The following FRMD6 variants were observed in gnomAD, a reference collection of about 807,000 sequenced individuals.
FRMD6 encodes FERM domain containing 6, also known as FERM domain-containing protein 6.
FRMD6 carries 37 observed loss-of-function variants against 73.2 expected under a neutral mutation model. The ratio of observed to expected loss-of-function variants is 0.51; its 90% CI spans 0.39 to 0.66. FRMD6 has a LOEUF of 0.66. Among genes scored for constraint, FRMD6 ranks in the 30% least tolerant of loss-of-function variants. The probability of loss-of-function intolerance (pLI) is 0.00; values close to 1 mark genes in which losing one functional copy is unlikely to be tolerated. For missense variants in FRMD6, 714 were observed against 780.5 expected, an observed-to-expected ratio of 0.91 and a Z score of 1.02; for synonymous variants, 273 against 282.2, an observed-to-expected ratio of 0.97 and a Z score of 0.33.
chr14:51,717,250 G>A (rs923929566), intron 10 of FRMD6: 2 of 152,196 alleles, frequency 1.3e-5, no homozygotes, highest in African/African-American at 2.4e-5. Flanking sequence ...TTTCCTCACA[G>A]TTCTAGAGGC....
intron 1 of FRMD6, chr14:51,565,556 A>T (rs537619314): frequency 6.6e-6 from 1 of 152,322 alleles, no homozygotes; most frequent in African/African-American, 2.4e-5. Context: ...GAGGTTTTTG[A>T]TGGGGGTGAT....
At chr14:51,673,126 A>G (rs1299681600) in intron 1 of FRMD6, among the ~76,000 whole-genome samples, 1 of 152,144 alleles carries the variant, frequency 6.6e-6, no homozygotes, top group Non-Finnish European at 1.5e-5. Context: ...TATCCTTCAC[A>G]CTAACCTATC....
intron 1 of FRMD6, among the ~76,000 whole-genome samples, chr14:51,524,505 T>C (rs886804929): frequency 1.3e-5 from 2 of 151,982 alleles, no homozygotes. Flanking sequence ...TTTGCTGTTC[T>C]TTCATATACA....
intron 1 of FRMD6, among the ~76,000 whole-genome samples, chr14:51,553,410 A>C (rs929551417): frequency 6.6e-6 from 1 of 152,252 alleles, no homozygotes; most frequent in African/African-American, 2.4e-5. Context: ...CAGAGGAAAG[A>C]AATTCAGAAC....
chr14:51,514,256 A>G (rs926902829), intron 1 of FRMD6, among the ~76,000 whole-genome samples: 2 of 152,138 alleles, frequency 1.3e-5, no homozygotes, highest in Non-Finnish European at 2.9e-5. Flanking sequence ...CACATTTTTC[A>G]AAAGTGATTC....
intron 1 of FRMD6, among the ~76,000 whole-genome samples, chr14:51,500,978 A>G (rs1223708350): frequency 6.6e-6 from 1 of 152,164 alleles, no homozygotes; most frequent in African/African-American, 2.4e-5. Context: ...GTTATGGGAA[A>G]CTTGCCAGCT....
At position 51,518,899 on chromosome 14, in the gene FRMD6, C is replaced by A. The variant is rs1189697136; in HGVS notation, c.-210+29479C>A. ...ATGTAATTCTGAATAAAACAGCCAA[C>A]AGCTTCAGAATTACTCAAGCAAGCC... On this transcript the variant is annotated intron_variant, in intron 1 of 14. Coordinates refer to the FRMD6 transcript ENST00000356218. Among the ~76,000 whole-genome samples the A allele has an allele frequency of 3.3e-5, 5 of 152,148 alleles. 1 individual carries two copies. Among genetic ancestry groups the A allele is most frequent in the Non-Finnish European group, 7.3e-5 (5 of 68,028 alleles).
intron 2 of FRMD6, among the ~76,000 whole-genome samples, chr14:51,584,795 T>C (rs911717002): frequency 2.0e-5 from 3 of 151,928 alleles, no homozygotes; most frequent in Non-Finnish European, 2.9e-5. Flanking sequence ...AGTCTGTAAA[T>C]TATAGTGGTA....
chr14:51,522,217 T>C (rs1365503164), intron 1 of FRMD6, among the ~76,000 whole-genome samples: 1 of 152,198 alleles, frequency 6.6e-6, no homozygotes, highest in East Asian at 1.9e-4. Flanking sequence ...CATAAGTGAA[T>C]TCTTATGTAA....
chr14:51,440,630 G>C, the FRMD6 span, among the ~76,000 whole-genome samples: 1 of 152,214 alleles, frequency 6.6e-6, no homozygotes, highest in South Asian at 2.1e-4. Context: ...AGGCAGAATA[G>C]TGTCAAGGAT....
intron 1 of FRMD6, among the ~76,000 whole-genome samples, chr14:51,505,690 A>G (rs898013961): frequency 5.3e-5 from 8 of 152,268 alleles, no homozygotes; most frequent in Admixed American, 3.9e-4. Context: ...GCATGTTTCT[A>G]AACCTAAATG....
chr14:51,702,262 C>T (rs923085531), intron 4 of FRMD6, among the ~76,000 whole-genome samples: 1 of 151,912 alleles, frequency 6.6e-6, no homozygotes, highest in African/African-American at 2.4e-5. Flanking sequence ...TTGTCATTGG[C>T]ATTACAGTGA....
the FRMD6 span, among the ~76,000 whole-genome samples, chr14:51,416,225 G>A: frequency 1.6e-4 from 24 of 152,114 alleles, no homozygotes. Context: ...TGCTTCTCTA[G>A]TTCTTTTAAT....
the FRMD6 span, among the ~76,000 whole-genome samples, chr14:51,447,218 C>T: frequency 5.9e-5 from 9 of 151,996 alleles, no homozygotes; most frequent in East Asian, 9.7e-4. Context: ...CTCTGGGGTG[C>T]GGGGAGATGT....
At chr14:51,468,228 G>A in the FRMD6 span, among the ~76,000 whole-genome samples, 88 of 150,972 alleles carry the variant, frequency 5.8e-4, no homozygotes, top group Middle Eastern at 3.4e-3. Flanking sequence ...TGCAGTGAGC[G>A]GAGATGGTGG....
intron 2 of FRMD6, among the ~76,000 whole-genome samples, chr14:51,622,430 C>G (rs917482353): frequency 6.6e-6 from 1 of 152,138 alleles, no homozygotes; most frequent in Non-Finnish European, 1.5e-5. Flanking sequence ...AAAGGTAGCT[C>G]TAGAGAAGGA....
intron 2 of FRMD6, among the ~76,000 whole-genome samples, chr14:51,645,122 C>T (rs538917431): frequency 6.6e-6 from 1 of 152,256 alleles, no homozygotes; most frequent in East Asian, 1.9e-4. Flanking sequence ...AAAATCTAAC[C>T]ACTACCTTGC....
At chr14:51,582,472 G>A (rs1956588) in intron 2 of FRMD6, among the ~76,000 whole-genome samples, 133,442 of 152,208 alleles carry the variant, frequency 0.88, 58,917 homozygotes, top group Non-Finnish European at 0.92. Context: ...ACACCATTTT[G>A]TGGCTCCAGA....
intron 13 of FRMD6, 77 bp from the exon 14 acceptor site, chr14:51,727,668 C>CT: frequency 2.9e-6 from 4 of 1,379,500 alleles, no homozygotes; most frequent in Non-Finnish European, 4.0e-6. Flanking sequence ...TTTTGTGGTT[C>CT]TGTAGCATCT....
Sources: gnomAD v4.1 joint callset for allele counts (sites outside exome capture counted in the v4.1 genomes callset) on GRCh38, gnomAD v4.1.1 for gene constraint, MANE v1.5 for transcripts, NCBI Gene and HGNC (gene_info 2026-07-23, HGNC 2026-07-21) for gene names.